Variants in NXPH2 observed in about 807,000 individuals in gnomAD.
NXPH2 encodes neurexophilin-2.
In NXPH2, 5 loss-of-function variants were observed where a neutral mutation model predicts 19.8. The observed-to-expected ratio is 0.25, with a 90% confidence interval of 0.13 to 0.53. NXPH2 has a LOEUF of 0.53. Ranked by LOEUF, NXPH2 falls within the 20% of genes least tolerant of loss-of-function variation. The pLI, the probability that NXPH2 is intolerant of heterozygous loss-of-function variation, is 0.96. For missense variants in NXPH2, 289 were observed against 322.8 expected (o/e 0.90, Z 0.80); for synonymous variants, 154 against 127.4 (o/e 1.21, Z -1.41).
At chr2:138,774,782 G>T (rs1029634658) in intron 1 of NXPH2, among the ~76,000 whole-genome samples, 1 of 152,108 alleles carries the variant, frequency 6.6e-6, no homozygotes, top group Non-Finnish European at 1.5e-5. Flanking sequence ...AACAGATAAT[G>T]AACAAATATT....
chr2:138,708,347 G>T (rs1681047967), intron 1 of NXPH2, among the ~76,000 whole-genome samples: 1 of 152,180 alleles, frequency 6.6e-6, no homozygotes, highest in African/African-American at 2.4e-5. Flanking sequence ...GAAAGTATCT[G>T]AACATACAAT....
intron 1 of NXPH2, among the ~76,000 whole-genome samples, chr2:138,719,695 C>G (rs1681246413): frequency 2.6e-5 from 4 of 152,124 alleles, no homozygotes; most frequent in Admixed American, 2.6e-4. Flanking sequence ...GGTAACATGG[C>G]AAGACCTCAT....
At chr2:138,680,203 A>G (rs1234831862) in intron 1 of NXPH2, among the ~76,000 whole-genome samples, 1 of 152,194 alleles carries the variant, frequency 6.6e-6, no homozygotes, top group Non-Finnish European at 1.5e-5. Flanking sequence ...TGCAAGCCAC[A>G]TTCCCTCTCT....
chr2:138,778,889 A>G (rs756443879), intron 1 of NXPH2, among the ~76,000 whole-genome samples: 2 of 152,188 alleles, frequency 1.3e-5, no homozygotes, highest in Admixed American at 6.5e-5. Context: ...TTTCTTCTTG[A>G]TGCCATTGAA....
At chr2:138,676,759 A>G (rs1156485477) in intron 1 of NXPH2, among the ~76,000 whole-genome samples, 1 of 152,144 alleles carries the variant, frequency 6.6e-6, no homozygotes. Context: ...AAAGGTTTCT[A>G]TGAATTCTCA....
intron 1 of NXPH2, among the ~76,000 whole-genome samples, chr2:138,721,811 C>T (rs74494128): frequency 6.6e-6 from 1 of 152,118 alleles, no homozygotes; most frequent in Non-Finnish European, 1.5e-5. Context: ...GGCTGAGTAA[C>T]CTTGTTAGCA....
intron 1 of NXPH2, among the ~76,000 whole-genome samples, chr2:138,735,233 T>C (rs1286861194): frequency 1.3e-5 from 2 of 152,130 alleles, no homozygotes; most frequent in Non-Finnish European, 2.9e-5. Flanking sequence ...GTTTTATAGT[T>C]GGTATTCTAT....
intron 1 of NXPH2, among the ~76,000 whole-genome samples, chr2:138,706,975 A>T (rs1055882985): frequency 1.3e-5 from 2 of 151,742 alleles, no homozygotes; most frequent in African/African-American, 4.8e-5. Flanking sequence ...TGGGTCTCTT[A>T]AAAAATTGCT....
chr2:138,676,789 A>G (rs1377996580), intron 1 of NXPH2, among the ~76,000 whole-genome samples: 1 of 150,622 alleles, frequency 6.6e-6, no homozygotes, highest in East Asian at 1.9e-4. Flanking sequence ...GAAACTGATT[A>G]ATGGTTAATT....
At chr2:138,731,109 CT>C (rs1329388925) in intron 1 of NXPH2, among the ~76,000 whole-genome samples, 1 of 152,146 alleles carries the variant, frequency 6.6e-6, no homozygotes, top group Non-Finnish European at 1.5e-5. Flanking sequence ...TTATTTACTT[CT>C]TTTTATTTAT....
At chr2:138,771,239 G>A (rs1682170248) in intron 1 of NXPH2, among the ~76,000 whole-genome samples, 1 of 152,044 alleles carries the variant, frequency 6.6e-6, no homozygotes, top group South Asian at 2.1e-4. Flanking sequence ...ATGAAATACA[G>A]TGAATCTTTA....
Position 138,669,901 on chromosome 2 carries a change from G to C in NXPH2, c.*1021C>G, listed in dbSNP as rs1221545191. 6.6e-6 allele frequency among the ~76,000 whole-genome samples: 1 copy of C among 152,194 alleles called. No homozygotes were observed. The highest frequency in any genetic ancestry group is 1.5e-5 in the Non-Finnish European group (1 of 68,026). ...AACTCTCTATTTCCACATAGAGTTT[G>C]ATCTCTTATTCAAATATTAACTAAA... On this transcript the variant is annotated 3_prime_UTR_variant, in exon 2 of 2. Transcript: ENST00000272641.
At chr2:138,769,166 A>G (rs1350429310) in intron 1 of NXPH2, among the ~76,000 whole-genome samples, 1 of 152,208 alleles carries the variant, frequency 6.6e-6, no homozygotes, top group Non-Finnish European at 1.5e-5. Context: ...TGATTCTGTG[A>G]TATGTGGGAT....
At chr2:138,720,192 G>A (rs1169456675) in intron 1 of NXPH2, among the ~76,000 whole-genome samples, 1 of 151,312 alleles carries the variant, frequency 6.6e-6, no homozygotes. Context: ...GAGGTCAATC[G>A]CCACCACTGG....
intron 1 of NXPH2, among the ~76,000 whole-genome samples, chr2:138,745,493 C>T (rs1309051163): frequency 1.6e-4 from 14 of 90,242 alleles, no homozygotes; most frequent in African/African-American, 2.7e-4. Context: ...CTTTTTTTGG[C>T]GGGGGGGGGG....
chr2:138,725,899 AT>A (rs549959308), intron 1 of NXPH2, among the ~76,000 whole-genome samples: 157 of 152,266 alleles, frequency 1.0e-3, no homozygotes, highest in African/African-American at 3.8e-3. Context: ...CTCCATTTAT[AT>A]TCTTGTTTCA....
intron 1 of NXPH2, among the ~76,000 whole-genome samples, chr2:138,720,499 T>C (rs952786316): frequency 6.6e-6 from 1 of 152,178 alleles, no homozygotes; most frequent in Admixed American, 6.5e-5. Context: ...CCCAGGACTG[T>C]TGGTGTGAAG....
intron 1 of NXPH2, among the ~76,000 whole-genome samples, chr2:138,694,043 G>A (rs1317105118): frequency 6.6e-6 from 1 of 152,086 alleles, no homozygotes; most frequent in Non-Finnish European, 1.5e-5. Flanking sequence ...CCAATCAAGA[G>A]CAGCCAACTA....
Position 138,671,043 on chromosome 2 carries a change from G to A in NXPH2, c.674C>T (p.Ser225Phe). The change falls in exon 2 of 2, where the codon TCC (serine) becomes TTC (phenylalanine). Residue 225 changes from serine (S) to phenylalanine (F), a missense_variant. Coordinates refer to ENST00000272641, the MANE Select transcript of NXPH2 (RefSeq NM_007226.3). ...QTQSHVSWLCSKPFKVICIYI... is the reference protein window; with the variant it reads ...QTQSHVSWLCFKPFKVICIYI... Reference sequence around the variant, plus strand: ...AATGCAAATGACCTTGAAGGGCTTGGAGCACAACCAAGACACATGGCTCTG... The same window carrying A: ...AATGCAAATGACCTTGAAGGGCTTGAAGCACAACCAAGACACATGGCTCTG... 1.2e-6 allele frequency: 2 copies of A among 1,613,982 alleles called. No individual in the cohort carries two copies. The highest frequency in any genetic ancestry group is 1.7e-6 in the Non-Finnish European group (2 of 1,179,888).
Sources: gnomAD v4.1 joint callset for allele counts (sites outside exome capture counted in the v4.1 genomes callset) on GRCh38, gnomAD v4.1.1 for gene constraint, MANE v1.5 for transcripts, NCBI Gene and HGNC (gene_info 2026-07-23, HGNC 2026-07-21) for gene names.